The following PLCH1 variants were observed in gnomAD, a reference collection of about 807,000 sequenced individuals.
PLCH1 encodes the protein phospholipase C eta 1, also known as 1-phosphatidylinositol 4,5-bisphosphate phosphodiesterase eta-1.
In PLCH1, 60 loss-of-function variants were observed where a neutral mutation model predicts 126.7. The ratio of observed to expected loss-of-function variants is 0.47; its 90% CI spans 0.38 to 0.59. The LOEUF (loss-of-function observed/expected upper bound fraction) is 0.59. Ranked by LOEUF, PLCH1 falls within the 20% of genes least tolerant of loss-of-function variation. The probability of loss-of-function intolerance (pLI) is 0.00; values close to 1 mark genes in which losing one functional copy is unlikely to be tolerated. For synonymous variants in PLCH1, 719 were observed against 734.9 expected (o/e 0.98, Z 0.35); for missense variants, 1,723 against 2,040.0 (o/e 0.84, Z 2.99).
At chr3:155,730,765 G>A (rs1216032896) in intron 1 of PLCH1, among the ~76,000 whole-genome samples, 1 of 152,218 alleles carries the variant, frequency 6.6e-6, no homozygotes, top group Non-Finnish European at 1.5e-5. Context: ...ACAGAAATAA[G>A]AAACCACATT....
intron 8 of PLCH1, among the ~76,000 whole-genome samples, chr3:155,560,374 T>C (rs1727407279): frequency 6.6e-6 from 1 of 152,168 alleles, no homozygotes; most frequent in African/African-American, 2.4e-5. Context: ...TTGAGACATC[T>C]TACTGCTTGA....
intron 2 of PLCH1, among the ~76,000 whole-genome samples, chr3:155,688,926 G>C (rs1394663760): frequency 1.3e-5 from 2 of 152,192 alleles, no homozygotes; most frequent in Non-Finnish European, 2.9e-5. Flanking sequence ...TTCAATCCCT[G>C]GCTCCCAGAC....
Position 155,488,117 on chromosome 3 carries a change from GGAAA to G in PLCH1, c.2540-14_2540-11del. On this transcript the variant is annotated splice_polypyrimidine_tract_variant and intron_variant, in intron 20 of 22. Coordinates refer to ENST00000460012, the MANE Select transcript of PLCH1 (RefSeq NM_014996.4). ...TAGACATGCCGGTAGCCTGATAAAA[GGAAA>G]GAGAGTCGTTTCTTTTTAGTTGAAC... The G allele has an allele frequency of 6.3e-7, 1 of 1,580,382 alleles. No individual in the cohort carries two copies. Among genetic ancestry groups the G allele is most frequent in the African/African-American group, 1.3e-5 (1 of 74,374 alleles).
intron 1 of PLCH1, among the ~76,000 whole-genome samples, chr3:155,732,658 A>C (rs1577382464): frequency 6.6e-6 from 1 of 152,034 alleles, no homozygotes; most frequent in African/African-American, 2.4e-5. Context: ...CAGGCGAATC[A>C]CCCGAGGTCA....
chr3:155,474,388 C>T (rs1451165721), intron 21 of PLCH1, among the ~76,000 whole-genome samples: 1 of 150,076 alleles, frequency 6.7e-6, no homozygotes, highest in East Asian at 2.1e-4. Flanking sequence ...TACTATCTCA[C>T]ACCAGTTAGA....
At chr3:155,472,540 T>A (rs1454236965) in intron 21 of PLCH1, among the ~76,000 whole-genome samples, 44 of 151,382 alleles carry the variant, frequency 2.9e-4, no homozygotes, top group Non-Finnish European at 4.7e-4. Context: ...ACTATTCCAA[T>A]CAATAGAAAA....
At chr3:155,530,600 T>C (rs567441096) in intron 10 of PLCH1, among the ~76,000 whole-genome samples, 1 of 152,186 alleles carries the variant, frequency 6.6e-6, no homozygotes, top group Admixed American at 6.5e-5. Flanking sequence ...CTAGTTCTCT[T>C]GTTATTTCTA....
At chr3:155,639,230 G>A (rs972208163) in intron 2 of PLCH1, among the ~76,000 whole-genome samples, 8 of 152,126 alleles carry the variant, frequency 5.3e-5, no homozygotes, top group Non-Finnish European at 1.0e-4. Context: ...AGGCCAACGC[G>A]GGAAGATCAC....
intron 1 of PLCH1, among the ~76,000 whole-genome samples, chr3:155,718,141 A>G (rs1174041873): frequency 6.6e-6 from 1 of 152,100 alleles, no homozygotes. Flanking sequence ...ATGCAGCCAA[A>G]TTTTTTTCCT....
chr3:155,537,194 A>AC (rs1723487137), intron 10 of PLCH1, among the ~76,000 whole-genome samples: 2 of 30,814 alleles, frequency 6.5e-5, no homozygotes, highest in African/African-American at 2.1e-4. Flanking sequence ...TACAAAAAAA[A>AC]AAAAAACCAA....
intron 10 of PLCH1, among the ~76,000 whole-genome samples, chr3:155,528,316 A>G (rs1291530575): frequency 6.6e-6 from 1 of 151,644 alleles, no homozygotes; most frequent in Non-Finnish European, 1.5e-5. Flanking sequence ...ATTTCTGTAT[A>G]TTATTTTAGG....
At position 155,586,142 on chromosome 3, in the gene PLCH1, T is replaced by G; in HGVS notation, c.523A>C (p.Asn175His). 1.9e-6 allele frequency: 3 copies of G among 1,614,008 alleles called. No homozygotes were observed. ...EADKNGDGLL[N>H]IEEIHQLMHK... ...ATCAGCTGATGTATCTCTTCAATAT[T>G]CAGCAAGCCGTCACCATTCTTATCA... The change falls in exon 5 of 23, where the codon AAT becomes CAT. Residue 175 changes from asparagine to histidine, a missense_variant. By Grantham distance (68) the Asn-to-His change is moderately conservative. Transcript: ENST00000460012.
intron 2 of PLCH1, among the ~76,000 whole-genome samples, chr3:155,603,464 A>G (rs1166153254): frequency 6.6e-6 from 1 of 152,194 alleles, no homozygotes; most frequent in Middle Eastern, 3.2e-3. Flanking sequence ...TGAGAGATCT[A>G]GTTTATGGCA....
intron 2 of PLCH1, among the ~76,000 whole-genome samples, chr3:155,640,945 A>C (rs2108853906): frequency 6.6e-6 from 1 of 152,308 alleles, no homozygotes; most frequent in South Asian, 2.1e-4. Flanking sequence ...TTCATAACAT[A>C]ACATTTGTGG....
chr3:155,497,126 C>A (rs1262834121), intron 15 of PLCH1, among the ~76,000 whole-genome samples, 194 bp downstream of exon 15: 3 of 152,144 alleles, frequency 2.0e-5, no homozygotes. Context: ...AATCAGGCAA[C>A]CACAGTAATC....
intron 12 of PLCH1, among the ~76,000 whole-genome samples, chr3:155,506,364 T>TA (rs1362141366): frequency 2.9e-5 from 4 of 136,146 alleles, no homozygotes; most frequent in Non-Finnish European, 6.2e-5. Flanking sequence ...TTTTTTTTTT[T>TA]ATTATACTTT....
At chr3:155,519,412 C>T (rs1177844550) in intron 11 of PLCH1, among the ~76,000 whole-genome samples, 1 of 152,134 alleles carries the variant, frequency 6.6e-6, no homozygotes, top group East Asian at 1.9e-4. Context: ...CCCTCTACCA[C>T]AAGTAAATAA....
chr3:155,552,603 G>C (rs1726293890), intron 9 of PLCH1, among the ~76,000 whole-genome samples: 1 of 152,134 alleles, frequency 6.6e-6, no homozygotes, highest in Non-Finnish European at 1.5e-5. Flanking sequence ...AGGCTCAATA[G>C]GGAAGCTGAA....
intron 21 of PLCH1, among the ~76,000 whole-genome samples, chr3:155,471,154 C>A (rs1477389080): frequency 6.6e-6 from 1 of 152,060 alleles, no homozygotes; most frequent in African/African-American, 2.4e-5. Context: ...CAGTCAAGAC[C>A]CATCAGTGTG....
Sources: gnomAD v4.1 joint callset for allele counts (sites outside exome capture counted in the v4.1 genomes callset) on GRCh38, gnomAD v4.1.1 for gene constraint, MANE v1.5 for transcripts, NCBI Gene and HGNC (gene_info 2026-07-23, HGNC 2026-07-21) for gene names.